The following TMCC1 variants were observed in gnomAD, a reference collection of about 807,000 sequenced individuals.
The protein encoded by TMCC1 is transmembrane and coiled-coil domains protein 1.
In TMCC1, 15 loss-of-function variants were observed where a neutral mutation model predicts 52.4. The observed-to-expected ratio is 0.29, with a 90% CI of 0.19 to 0.44. The LOEUF (loss-of-function observed/expected upper bound fraction) is 0.44. TMCC1 is among the 20% of genes least tolerant of loss of function. TMCC1 has a pLI of 1.00. For synonymous variants in TMCC1, 279 were observed against 301.9 expected, an observed-to-expected ratio of 0.92 and a Z score of 0.79; for missense variants, 503 against 806.0, an observed-to-expected ratio of 0.62 and a Z score of 4.55.
chr3:129,747,363 G>A (rs1311235248), intron 4 of TMCC1, among the ~76,000 whole-genome samples: 1 of 152,012 alleles, frequency 6.6e-6, no homozygotes, highest in Non-Finnish European at 1.5e-5. Context: ...AGCAAAGTCT[G>A]GCAACACTTC....
In TMCC1 at chr3:129,670,951, T is replaced by C; in HGVS notation, c.890A>G (p.Lys297Arg). 1 of 1,614,256 alleles carries C rather than the reference T, an allele frequency of 6.2e-7. No individual in the cohort carries two copies. The highest frequency in any genetic ancestry group is 8.5e-7 in the Non-Finnish European group (1 of 1,180,046). ...KSAQTILQLQ[K>R]KLEHYHRKLR... is the part of the protein sequence containing the mutation. The stretch of plus-strand genomic sequence containing the variant: ...CTTCCTGTGGTAGTGCTCAAGTTTC[T>C]TTTGCAGCTGGAGGATAGTTTGGGC... Residue 297 changes from lysine (K) to arginine (R), a missense_variant, in exon 5 of 7, where the codon AAG becomes AGG. Physicochemically the swap from Lys to Arg is conservative, Grantham distance 26. Coordinates refer to ENST00000393238, the MANE Select transcript of TMCC1 (RefSeq NM_001017395.5).
intron 4 of TMCC1, among the ~76,000 whole-genome samples, chr3:129,816,210 AC>A (rs1320153868): frequency 6.6e-6 from 1 of 152,174 alleles, no homozygotes; most frequent in Non-Finnish European, 1.5e-5. Flanking sequence ...CTACCATATG[AC>A]CCAGGAATTC....
At chr3:129,889,158 G>A (rs1388497644) in intron 1 of TMCC1, among the ~76,000 whole-genome samples, 1 of 152,076 alleles carries the variant, frequency 6.6e-6, no homozygotes, top group Non-Finnish European at 1.5e-5. Flanking sequence ...TCTGGGCCCA[G>A]CTACTCCGGA....
At chr3:129,780,391 C>A (rs2055422233) in intron 4 of TMCC1, among the ~76,000 whole-genome samples, 3 of 152,012 alleles carry the variant, frequency 2.0e-5, no homozygotes. Flanking sequence ...TCTCTAATTT[C>A]TCTTTGGCAT....
At chr3:129,652,914 C>G (rs916697807) in intron 6 of TMCC1, among the ~76,000 whole-genome samples, 1 of 152,260 alleles carries the variant, frequency 6.6e-6, no homozygotes, top group African/African-American at 2.4e-5. Context: ...TGTAACCCAA[C>G]TGCTTCAGGC....
At chr3:129,833,489 G>C (rs545957971) in intron 2 of TMCC1, among the ~76,000 whole-genome samples, 5 of 152,128 alleles carry the variant, frequency 3.3e-5, no homozygotes, top group Admixed American at 6.5e-5. Flanking sequence ...AGGATGTCTT[G>C]AGCCCCGGAG....
At chr3:129,869,070 G>C (rs2060793795) in intron 2 of TMCC1, 1 of 151,916 alleles carries the variant, frequency 6.6e-6, no homozygotes, top group Non-Finnish European at 1.5e-5. Flanking sequence ...ATACTAATTA[G>C]GTGACTCTTG....
chr3:129,721,994 T>C (rs953503088), intron 4 of TMCC1, among the ~76,000 whole-genome samples: 5 of 152,264 alleles, frequency 3.3e-5, no homozygotes, highest in African/African-American at 1.2e-4. Context: ...TTTTAGATAC[T>C]AGGGGCAAGT....
chr3:129,765,839 A>G (rs989450764), intron 4 of TMCC1, among the ~76,000 whole-genome samples: 4 of 149,146 alleles, frequency 2.7e-5, no homozygotes, highest in African/African-American at 4.9e-5. Context: ...TCACTTTAAG[A>G]GTTTGAAGAT....
At chr3:129,842,477 AACACAC>A (rs61106930) in intron 2 of TMCC1, among the ~76,000 whole-genome samples, 17 of 147,714 alleles carry the variant, frequency 1.2e-4, no homozygotes, top group Middle Eastern at 3.5e-3. Context: ...AAAAAAACAA[AACACAC>A]ACACACACAC....
At chr3:129,784,394 G>A (rs1213783187) in intron 4 of TMCC1, among the ~76,000 whole-genome samples, 1 of 151,064 alleles carries the variant, frequency 6.6e-6, no homozygotes, top group Non-Finnish European at 1.5e-5. Context: ...GTGAAACCCC[G>A]TCTCTACTAA....
At chr3:129,884,648 G>C (rs1475860892) in intron 1 of TMCC1, among the ~76,000 whole-genome samples, 1 of 152,056 alleles carries the variant, frequency 6.6e-6, no homozygotes, top group Non-Finnish European at 1.5e-5. Context: ...TCTGATAACA[G>C]AGTCTTTTGA....
intron 4 of TMCC1, among the ~76,000 whole-genome samples, chr3:129,757,211 G>T (rs966469680): frequency 2.0e-5 from 3 of 151,994 alleles, no homozygotes; most frequent in Non-Finnish European, 4.4e-5. Flanking sequence ...AACCCCCAAG[G>T]GAAAGATAAT....
At chr3:129,760,452 C>T (rs1190423269) in intron 4 of TMCC1, among the ~76,000 whole-genome samples, 1 of 68,348 alleles carries the variant, frequency 1.5e-5, no homozygotes, top group African/African-American at 4.5e-5. Context: ...GACAGTCTCG[C>T]TCTGTGTGTG....
chr3:129,700,422 A>G (rs1376988313), intron 4 of TMCC1, among the ~76,000 whole-genome samples: 1 of 152,166 alleles, frequency 6.6e-6, no homozygotes, highest in Non-Finnish European at 1.5e-5. Flanking sequence ...GATGCTGAAA[A>G]TTTCACAGGG....
chr3:129,868,109 C>CA (rs1463178656), intron 2 of TMCC1, among the ~76,000 whole-genome samples: 1 of 143,276 alleles, frequency 7.0e-6, no homozygotes, highest in Non-Finnish European at 1.5e-5. Context: ...ACATCTCTAA[C>CA]AAATACATTA....
chr3:129,863,733 G>A (rs954030200), intron 2 of TMCC1, among the ~76,000 whole-genome samples: 3 of 152,002 alleles, frequency 2.0e-5, no homozygotes, highest in Non-Finnish European at 4.4e-5. Context: ...GTGGTGGCGC[G>A]CACCTGTAAT....
At chr3:129,796,191 T>A (rs1229215107) in intron 4 of TMCC1, among the ~76,000 whole-genome samples, 5 of 152,206 alleles carry the variant, frequency 3.3e-5, no homozygotes, top group Non-Finnish European at 5.9e-5. Flanking sequence ...TACCACTGTA[T>A]TAAAACTGCC....
chr3:129,849,349 A>C (rs2059805230), intron 2 of TMCC1, among the ~76,000 whole-genome samples: 1 of 151,978 alleles, frequency 6.6e-6, no homozygotes, highest in Non-Finnish European at 1.5e-5. Flanking sequence ...AATCCCAGCT[A>C]CTTGGGAGGC....
Sources: allele counts gnomAD v4.1 joint callset (sites outside exome capture counted in the v4.1 genomes callset), GRCh38; gene constraint gnomAD v4.1.1; transcripts MANE v1.5; gene names NCBI Gene and HGNC (gene_info 2026-07-23, HGNC 2026-07-21).